CUX1: variants seen among roughly 807,000 people sequenced by gnomAD.
CUX1 encodes the protein protein CASP.
Under a neutral mutation model 158.8 loss-of-function variants are expected in CUX1, and 31 were observed. That is an observed-to-expected ratio of 0.20 (90% CI 0.15 to 0.26). The LOEUF (loss-of-function observed/expected upper bound fraction) is 0.26. CUX1 is among the 10% of genes least tolerant of loss of function. The pLI, the probability that CUX1 is intolerant of heterozygous loss-of-function variation, is 1.00. For missense variants in CUX1, 1,589 were observed against 2,014.6 expected (o/e 0.79, Z 4.04); for synonymous variants, 879 against 862.1 (o/e 1.02, Z -0.34).
rs187332736 is a variant in CUX1 at position 101,850,940 on chromosome 7, A to T, written c.30+33271A>T. Among the ~76,000 whole-genome samples the T allele has an allele frequency of 2.6e-5, 4 of 152,238 alleles. No individual in the cohort carries two copies. In the East Asian group the frequency reaches 7.7e-4, roughly 29 times the overall value. ...ATTGCAAAACTCTGTCTCTACCAAA[A>T]TAATTAAAAATAAAAAAATTATCCA... On this transcript the variant is annotated intron_variant, in intron 1 of 23. Transcript: ENST00000292535.
rs56993544 is a variant in CUX1 at position 101,825,790 on chromosome 7, TGTGTGTGTGC to T, written c.30+8123_30+8132del. On this transcript the variant is annotated intron_variant, in intron 1 of 23. Coordinates refer to ENST00000292535, the MANE Select transcript of CUX1 (RefSeq NM_181552.4). ...GTGTGTGTGTGTGTGTGTGTGTGTG[TGTGTGTGTGC>T]GCGCGCGCGCGCAGTTAGTCTTCGG... is the stretch of plus-strand genomic sequence containing the variant. Among the ~76,000 whole-genome samples the T allele has an allele frequency of 7.6e-3, 792 of 103,864 alleles. 1 individual carries two copies. The highest frequency in any genetic ancestry group is 0.02 in the African/African-American group (457 of 22,514). The allele number at this position is 103,864 out of a possible 152,430, so 68.1% of individuals were successfully genotyped here. A position where few individuals can be genotyped will look rare whatever the true frequency, so the allele number is the denominator to read the frequency against.
chr7:101,883,516 G>A (rs955916584), intron 1 of CUX1, among the ~76,000 whole-genome samples: 6 of 152,066 alleles, frequency 3.9e-5, no homozygotes, highest in African/African-American at 1.4e-4. Flanking sequence ...ACAGGGGTCG[G>A]GGGCAGGAAC....
At chr7:102,283,481 G>C in exon 23 of CUX1, 1 of 230,714 alleles carries the variant, frequency 4.3e-6, no homozygotes, top group African/African-American at 2.2e-5. Context: ...CGATCCTCTT[G>C]GGCTCTCCTA....
chr7:102,282,910 T>G, intron 22 of CUX1: 32 of 382,344 alleles, frequency 8.4e-5, no homozygotes, highest in Non-Finnish European at 1.1e-4. Flanking sequence ...GCCCTCCCCC[T>G]ACCCCTACTC....
intron 2 of CUX1, among the ~76,000 whole-genome samples, chr7:101,963,255 C>G (rs1810730604): frequency 6.6e-6 from 1 of 152,192 alleles, no homozygotes; most frequent in African/African-American, 2.4e-5. Flanking sequence ...TTTGGCTCGC[C>G]TGTCCTCCCC....
rs370081364 is a variant in CUX1 at position 102,253,813 on chromosome 7, G to A, written c.*4771G>A. On this transcript the variant is annotated 3_prime_UTR_variant, in exon 24 of 24. Coordinates refer to ENST00000292535, the MANE Select transcript of CUX1 (RefSeq NM_181552.4). ...GCAACACGGGGCATGAGCGGTGGGC[G>A]TGCTGGGCTATTTGCTGTGGTACTT... 3.1e-5 allele frequency: 31 copies of A among 985,658 alleles called. No homozygotes were observed. Among genetic ancestry groups the A allele is most frequent in the Middle Eastern group, 1.0e-3 (2 of 1,916 alleles). The allele number at this position is 985,658 out of a possible 1,614,324, so 61.1% of individuals were successfully genotyped here. A position where few individuals can be genotyped will look rare whatever the true frequency, so the allele number is the denominator to read the frequency against.
At chr7:101,992,809 G>A (rs1815321456) in intron 2 of CUX1, among the ~76,000 whole-genome samples, 2 of 124,914 alleles carry the variant, frequency 1.6e-5, no homozygotes, top group Non-Finnish European at 3.3e-5. Flanking sequence ...CCGCCCCGCC[G>A]GATTATTTGG....
At chr7:101,876,102 T>C (rs1479582252) in intron 1 of CUX1, among the ~76,000 whole-genome samples, 2 of 152,066 alleles carry the variant, frequency 1.3e-5, no homozygotes, top group African/African-American at 2.4e-5. Flanking sequence ...TCCCAGCACT[T>C]TGGGAGGCCG....
At chr7:102,274,354 G>C in intron 16 of CUX1, 2 of 1,543,902 alleles carry the variant, frequency 1.3e-6, no homozygotes, top group Non-Finnish European at 1.8e-6. Flanking sequence ...GAGGAGGGAA[G>C]AGGAGACAGG....
At chr7:102,159,769 G>A (rs1252828867) in intron 9 of CUX1, among the ~76,000 whole-genome samples, 5 of 152,174 alleles carry the variant, frequency 3.3e-5, no homozygotes, top group South Asian at 2.1e-4. Context: ...GCTGAGGCAG[G>A]AGAATCACTT....
chr7:101,940,248 A>G (rs1807541993), intron 2 of CUX1, among the ~76,000 whole-genome samples: 4 of 151,240 alleles, frequency 2.6e-5, no homozygotes, highest in African/African-American at 7.3e-5. Flanking sequence ...TCAGGAAAAA[A>G]AAAAAAAAGA....
At chr7:102,025,205 A>G (rs745723119) in intron 2 of CUX1, among the ~76,000 whole-genome samples, 34 of 152,202 alleles carry the variant, frequency 2.2e-4, no homozygotes, top group Non-Finnish European at 3.8e-4. Context: ...GATCCCTGAC[A>G]TAATCCCATC....
chr7:101,834,250 T>G (rs1369192250), intron 1 of CUX1, among the ~76,000 whole-genome samples: 1 of 133,318 alleles, frequency 7.5e-6, no homozygotes, highest in Non-Finnish European at 1.6e-5. Context: ...CTCAGCCCAC[T>G]GCAACCTCCG....
intron 9 of CUX1, among the ~76,000 whole-genome samples, chr7:102,166,497 C>A (rs1310382411): frequency 6.6e-6 from 1 of 152,132 alleles, no homozygotes; most frequent in Non-Finnish European, 1.5e-5. Flanking sequence ...GGTTCCAGAT[C>A]TAGAAACACA....
intron 2 of CUX1, among the ~76,000 whole-genome samples, chr7:101,967,106 C>T (rs560621440): frequency 7.9e-5 from 12 of 152,056 alleles, no homozygotes; most frequent in Admixed American, 3.3e-4. Context: ...CTCCACCTCC[C>T]GGGTTTGAAT....
At chr7:102,011,928 C>G (rs781633486) in intron 2 of CUX1, among the ~76,000 whole-genome samples, 16 of 151,940 alleles carry the variant, frequency 1.1e-4, no homozygotes, top group Non-Finnish European at 1.9e-4. Flanking sequence ...CCAACCTCAG[C>G]CTCCCAAGTA....
intron 2 of CUX1, among the ~76,000 whole-genome samples, chr7:101,942,920 G>T (rs1402149966): frequency 6.6e-6 from 1 of 152,160 alleles, no homozygotes; most frequent in Admixed American, 6.5e-5. Context: ...TGGGAGATCA[G>T]TTCCCTTCTC....
intron 1 of CUX1, among the ~76,000 whole-genome samples, chr7:101,852,109 C>T (rs142192711): frequency 5.4e-4 from 82 of 151,908 alleles, no homozygotes; most frequent in Middle Eastern, 3.4e-3. Context: ...TGATTACAGG[C>T]GTGAGCCACC....
At chr7:102,272,327 G>A (rs772990162) in intron 14 of CUX1, among the ~76,000 whole-genome samples, 6 of 152,202 alleles carry the variant, frequency 3.9e-5, no homozygotes, top group African/African-American at 1.2e-4. Flanking sequence ...ATGAGTCCAC[G>A]GAGGAGGCCG....
Sources: allele counts gnomAD v4.1 joint callset (sites outside exome capture counted in the v4.1 genomes callset), GRCh38; gene constraint gnomAD v4.1.1; transcripts MANE v1.5; gene names NCBI Gene and HGNC (gene_info 2026-07-23, HGNC 2026-07-21).